PRDM16: variants seen among roughly 807,000 people sequenced by gnomAD.
The protein encoded by PRDM16 is histone-lysine N-methyltransferase PRDM16.
Under a neutral mutation model 110.6 loss-of-function variants are expected in PRDM16, and 23 were observed. The ratio of observed to expected loss-of-function variants is 0.21; its 90% CI spans 0.15 to 0.29. The LOEUF is 0.29. Among genes scored for constraint, PRDM16 ranks in the 10% least tolerant of loss-of-function variants. The probability of loss-of-function intolerance (pLI) is 1.00; values close to 1 mark genes in which losing one functional copy is unlikely to be tolerated. For missense variants in PRDM16, 1,615 were observed against 1,794.3 expected (o/e 0.90, Z 1.81); for synonymous variants, 799 against 781.8 (o/e 1.02, Z -0.37).
Position 3,411,708 on chromosome 1 carries a change from C to T in PRDM16, c.1511C>T (p.Pro504Leu). 1 of 1,610,402 alleles carries T rather than the reference C, an allele frequency of 6.2e-7. No individual in the cohort carries two copies. Reference sequence around the variant, plus strand: ...GGGAGCCTGCCCTTCTCCACGGCGCCTCCCACGTTCCCCGCACTCACCCCC... The same window carrying T: ...GGGAGCCTGCCCTTCTCCACGGCGCTTCCCACGTTCCCCGCACTCACCCCC... ...HPGSLPFSTA[P>L]PTFPALTPGF... Residue 504 changes from proline (P) to leucine (L), a missense_variant, in exon 9 of 17, where the codon CCT becomes CTT. Transcript: ENST00000270722.
rs1008695784 is a variant in PRDM16, at chr1:3,315,810, T to A, written c.439-69342T>A. ...ACTTTGCTGGCCACCAATCGGAGACTCCCACAGGTCACTCTGGTTTGTATT... is the reference window on the plus strand; with the variant it reads ...ACTTTGCTGGCCACCAATCGGAGACACCCACAGGTCACTCTGGTTTGTATT... On this transcript the variant is annotated intron_variant, in intron 3 of 16. Transcript: ENST00000270722. Among the ~76,000 whole-genome samples the A allele has an allele frequency of 2.7e-4, 41 of 152,244 alleles. 2 individuals are homozygous for A. Among genetic ancestry groups the A allele is most frequent in the Middle Eastern group, 3.4e-3 (1 of 294 alleles).
At chr1:3,122,367 C>T (rs1415589124) in intron 1 of PRDM16, among the ~76,000 whole-genome samples, 3 of 152,112 alleles carry the variant, frequency 2.0e-5, no homozygotes, top group Non-Finnish European at 4.4e-5. Flanking sequence ...GAGGAGCCCC[C>T]GGAATGGCAG....
chr1:3,172,717 C>T (rs1038163286), intron 1 of PRDM16, among the ~76,000 whole-genome samples: 2 of 152,206 alleles, frequency 1.3e-5, no homozygotes, highest in Non-Finnish European at 2.9e-5. Flanking sequence ...TGTAGGATCC[C>T]ACTTACGGGA....
intron 6 of PRDM16, among the ~76,000 whole-genome samples, chr1:3,404,261 G>T (rs1365103912): frequency 6.6e-6 from 1 of 152,130 alleles, no homozygotes; most frequent in African/African-American, 2.4e-5. Flanking sequence ...GGTCCCCTCC[G>T]TGTCACCTGG....
chr1:3,132,262 T>C (rs956739468), intron 1 of PRDM16, among the ~76,000 whole-genome samples: 9 of 152,142 alleles, frequency 5.9e-5, no homozygotes, highest in Admixed American at 6.5e-5. Context: ...ATCTGGATGA[T>C]GTTTACGAAG....
chr1:3,389,359 C>T lies in PRDM16; in HGVS notation c.573+4073C>T, dbSNP rs1643254144. On this transcript the variant is annotated intron_variant, in intron 4 of 16. Coordinates refer to ENST00000270722, the MANE Select transcript of PRDM16 (RefSeq NM_022114.4). ...GGCAGGGCTGGCCCAGCATCCTGTT[C>T]CTTCCCCATCTCAGGCCCCATGGGA... Among the ~76,000 whole-genome samples, 2 of 152,224 alleles carry T rather than the reference C, an allele frequency of 1.3e-5. 1 individual carries two copies. Among genetic ancestry groups the T allele is most frequent in the South Asian group, 4.1e-4 (2 of 4,834 alleles).
chr1:3,314,740 T>C (rs535617778), intron 3 of PRDM16, among the ~76,000 whole-genome samples: 1 of 152,194 alleles, frequency 6.6e-6, no homozygotes, highest in East Asian at 1.9e-4. Flanking sequence ...TCTTTGATCT[T>C]CTAGTTCGGG....
chr1:3,374,132 G>A (rs1642953941), intron 3 of PRDM16, among the ~76,000 whole-genome samples: 2 of 152,188 alleles, frequency 1.3e-5, no homozygotes, highest in Non-Finnish European at 2.9e-5. Flanking sequence ...CTGGATCCCG[G>A]GGTCCCAGCC....
chr1:3,360,015 C>T (rs1487914042), intron 3 of PRDM16, among the ~76,000 whole-genome samples: 1 of 152,244 alleles, frequency 6.6e-6, no homozygotes, highest in Non-Finnish European at 1.5e-5. Flanking sequence ...TAATTAACTC[C>T]ATGCGTTCCC....
chr1:3,268,561 G>A (rs1640353519), intron 3 of PRDM16, among the ~76,000 whole-genome samples: 1 of 152,160 alleles, frequency 6.6e-6, no homozygotes, highest in Non-Finnish European at 1.5e-5. Context: ...CTTGGGGCAG[G>A]TCACAGGAAG....
intron 1 of PRDM16, among the ~76,000 whole-genome samples, chr1:3,174,292 T>C (rs924258254): frequency 1.3e-5 from 2 of 152,200 alleles, no homozygotes; most frequent in Non-Finnish European, 2.9e-5. Flanking sequence ...CCCTCCCTAG[T>C]GACCTCACCT....
chr1:3,429,647 C>G (rs896201079), intron 14 of PRDM16, among the ~76,000 whole-genome samples: 3 of 152,244 alleles, frequency 2.0e-5, no homozygotes, highest in African/African-American at 7.2e-5. Context: ...CCAGCAGCTC[C>G]GTGGCTGAGG....
rs1195324307 is a variant in PRDM16 at position 3,414,673 on chromosome 1, G to A, written c.2691+26G>A. 12 of 1,584,302 alleles carry A rather than the reference G, an allele frequency of 7.6e-6. 1 individual carries two copies. Among genetic ancestry groups the A allele is most frequent in the East Asian group, 4.5e-5 (2 of 44,578 alleles). On this transcript the variant is annotated intron_variant, in intron 10 of 16. Coordinates refer to ENST00000270722, the MANE Select transcript of PRDM16 (RefSeq NM_022114.4). ...GTACGTCCTCAGTGCAGGTCAGGGC[G>A]CCCTGTAACCCACACGCCAGTGGCC... is the stretch of plus-strand genomic sequence containing the variant.
Position 3,364,029 on chromosome 1 carries a change from G to A in PRDM16, c.439-21123G>A, listed in dbSNP as rs548755508. On this transcript the variant is annotated intron_variant, in intron 3 of 16. Transcript: ENST00000270722. The stretch of plus-strand genomic sequence containing the variant: ...CTTCATGAGTTCCCTCATTTTGTCT[G>A]CGGGGGGGAAGTTCACATGCCTCCC... Among the ~76,000 whole-genome samples, 22 of 152,102 alleles carry A rather than the reference G, an allele frequency of 1.4e-4. 1 individual carries two copies. Among genetic ancestry groups the A allele is most frequent in the African/African-American group, 5.3e-4 (22 of 41,486 alleles).
intron 3 of PRDM16, among the ~76,000 whole-genome samples, chr1:3,252,680 G>T (rs1387744068): frequency 6.6e-6 from 1 of 152,054 alleles, no homozygotes; most frequent in Non-Finnish European, 1.5e-5. Context: ...CTAGCATCCC[G>T]GGCTCGTGTT....
intron 1 of PRDM16, among the ~76,000 whole-genome samples, chr1:3,074,164 G>C (rs902727331): frequency 6.6e-6 from 1 of 152,218 alleles, no homozygotes; most frequent in Non-Finnish European, 1.5e-5. Flanking sequence ...GGGCTCCCTA[G>C]TGCACTTGGG....
intron 3 of PRDM16, among the ~76,000 whole-genome samples, chr1:3,347,740 G>T (rs1642391283): frequency 6.6e-6 from 1 of 152,210 alleles, no homozygotes; most frequent in South Asian, 2.1e-4. Flanking sequence ...CCTAGGCCTT[G>T]GTGAGAGCTG....
rs1642207607 is a variant in PRDM16, at chr1:3,338,531, G to A, written c.439-46621G>A. Among the ~76,000 whole-genome samples, 3 of 152,322 alleles carry A rather than the reference G, an allele frequency of 2.0e-5. No individual in the cohort carries two copies. In the Middle Eastern group the frequency reaches 0.01, roughly 518 times the overall value. Reference sequence around the variant, plus strand: ...TCCAAGTGGGGACGGGGTGCCCGGGGAAAGCCGCCTCTTCTGTCTGACTGC... The same window carrying A: ...TCCAAGTGGGGACGGGGTGCCCGGGAAAAGCCGCCTCTTCTGTCTGACTGC... On this transcript the variant is annotated intron_variant, in intron 3 of 16. Transcript: ENST00000270722.
intron 2 of PRDM16, among the ~76,000 whole-genome samples, chr1:3,234,269 G>A (rs1035379746): frequency 1.2e-4 from 19 of 152,120 alleles, no homozygotes; most frequent in Admixed American, 5.2e-4. Flanking sequence ...GGGGCTTCCC[G>A]AGACAGGGGC....
Sources: gnomAD v4.1 joint callset for allele counts (sites outside exome capture counted in the v4.1 genomes callset) on GRCh38, gnomAD v4.1.1 for gene constraint, MANE v1.5 for transcripts, NCBI Gene and HGNC (gene_info 2026-07-23, HGNC 2026-07-21) for gene names.